Variants in DYNC1LI2 observed in about 807,000 individuals in gnomAD.
DYNC1LI2 encodes cytoplasmic dynein 1 light intermediate chain 2.
A neutral mutation model predicts 57.8 loss-of-function variants in DYNC1LI2; 19 were observed. The ratio of observed to expected loss-of-function variants is 0.33; its 90% CI spans 0.23 to 0.48. DYNC1LI2 has a LOEUF of 0.48. DYNC1LI2 is among the 20% of genes least tolerant of loss of function. DYNC1LI2 has a pLI of 0.99. For missense variants in DYNC1LI2, 470 were observed against 604.2 expected (o/e 0.78, Z 2.33); for synonymous variants, 256 against 233.4 (o/e 1.10, Z -0.88).
At chr16:66,745,219 A>G (rs1156542000) in intron 3 of DYNC1LI2, among the ~76,000 whole-genome samples, 1 of 152,030 alleles carries the variant, frequency 6.6e-6, no homozygotes, top group Admixed American at 6.6e-5. Context: ...GTTTTATAAA[A>G]GTACCTTGAG....
rs1311004831 is a variant in DYNC1LI2, at chr16:66,730,139, GTCT to G, written c.1011_1013del (p.Glu337del). ...TTCTCACGGGAGGTTTCACAATAAAGTCTTCATATGCATCTTCCGGCTTCACGG... is the reference window on the plus strand; with the variant it reads ...TTCTCACGGGAGGTTTCACAATAAAGTCATATGCATCTTCCGGCTTCACGG... On this transcript the variant is annotated inframe_deletion, in exon 8 of 13. Coordinates refer to ENST00000258198, the MANE Select transcript of DYNC1LI2 (RefSeq NM_006141.3). The G allele has an allele frequency of 2.5e-6, 4 of 1,613,824 alleles. No individual in the cohort carries two copies. In the African/African-American group the frequency reaches 5.3e-5, roughly 22 times the overall value.
chr16:66,732,806 G>A (rs1041464656), intron 6 of DYNC1LI2: 4 of 181,478 alleles, frequency 2.2e-5, no homozygotes, highest in African/African-American at 9.4e-5. Context: ...TTCCTGAGAA[G>A]TAAAGTATTG....
chr16:66,727,760 G>C lies in DYNC1LI2; in HGVS notation c.1189C>G (p.Arg397Gly), dbSNP rs778487216. 6.2e-7 allele frequency: 1 copy of C among 1,613,998 alleles called. No individual in the cohort carries two copies. Among genetic ancestry groups the C allele is most frequent in the African/African-American group, 1.3e-5 (1 of 75,046 alleles). The change falls in exon 11 of 13, where the codon CGG becomes GGG. Residue 397 changes from arginine (R) to glycine (G), a missense_variant. Physicochemically the swap from Arg to Gly is moderately radical, Grantham distance 125. Transcript: ENST00000258198. ...GPSGSPRTQG[R>G]GGPASVPSSS... is the part of the protein sequence containing the mutation. ...CTAGGCACACTGGCTGGCCCTCCCCGACCCTGGGTCCTTGGAGAGCCAGAG... is the reference window on the plus strand; with the variant it reads ...CTAGGCACACTGGCTGGCCCTCCCCCACCCTGGGTCCTTGGAGAGCCAGAG...
chr16:66,732,303 A>G, intron 7 of DYNC1LI2, 36 bp downstream of exon 7: 2 of 1,599,654 alleles, frequency 1.3e-6, no homozygotes, highest in Non-Finnish European at 1.7e-6. Flanking sequence ...TACTTTAAAA[A>G]GAAGAGTTTC....
chr16:66,751,320 G>A lies in DYNC1LI2; in HGVS notation c.134C>T (p.Thr45Ile), dbSNP rs746203567. 2 of 1,612,360 alleles carry A rather than the reference G, an allele frequency of 1.2e-6. No homozygotes were observed. Among genetic ancestry groups the A allele is most frequent in the Non-Finnish European group, 1.7e-6 (2 of 1,179,150 alleles). Reference sequence around the variant, plus strand: ...GGACGGCAGCTTGGACCTGGCGCGGGTGGACACTTCGCTCAGAATGGAGGA... The same window carrying A: ...GGACGGCAGCTTGGACCTGGCGCGGATGGACACTTCGCTCAGAATGGAGGA... ...LWSSILSEVS[T>I]RARSKLPSGK... The change falls in exon 2 of 13, where the codon ACC (threonine) becomes ATC (isoleucine). Residue 45 changes from threonine (T) to isoleucine (I), a missense_variant. Physicochemically the swap from Thr to Ile is moderately conservative, Grantham distance 89. Coordinates refer to ENST00000258198, the MANE Select transcript of DYNC1LI2 (RefSeq NM_006141.3). The surrounding 1 kb of genome is among the most constrained non-coding windows in gnomAD (Gnocchi z 5.2).
intron 2 of DYNC1LI2, among the ~76,000 whole-genome samples, chr16:66,750,174 C>T (rs1597000923): frequency 2.0e-5 from 3 of 152,176 alleles, no homozygotes; most frequent in South Asian, 2.1e-4. Context: ...CTGCAGGCAG[C>T]GTTCTTTCTA....
At position 66,725,831 on chromosome 16, in the gene DYNC1LI2, A is replaced by G. The variant is rs2017527447; in HGVS notation, c.1375T>C (p.Ser459Pro). The G allele has an allele frequency of 6.2e-7, 1 of 1,612,972 alleles. No individual in the cohort carries two copies. The highest frequency in any genetic ancestry group is 1.3e-5 in the African/African-American group (1 of 74,938). The change falls in exon 12 of 13, where the codon TCA (serine) becomes CCA (proline). Residue 459 changes from serine (S) to proline (P), a missense_variant. Transcript: ENST00000258198. ...AGGVQSTAKK[S>P]GQKTVLSNVQ... ...AGTCTCCAGGGCCCTTCTGTACCTG[A>G]CTTCTTGGCTGTGCTCTGCACCCCA...
chr16:66,735,488 A>G (rs1411109190), intron 5 of DYNC1LI2, among the ~76,000 whole-genome samples: 19 of 150,708 alleles, frequency 1.3e-4, no homozygotes, highest in Non-Finnish European at 1.0e-4. Flanking sequence ...CCTTAAGGAA[A>G]CTGCTGTGAG....
At chr16:66,724,641 C>T (rs1567446713) in intron 12 of DYNC1LI2, 1 of 152,042 alleles carries the variant, frequency 6.6e-6, no homozygotes. Context: ...CAGAGATCTC[C>T]AAGACATAGA....
At position 66,751,403 on chromosome 16, in the gene DYNC1LI2, C is replaced by T; in HGVS notation, c.108-57G>A. On this transcript the variant is annotated intron_variant, in intron 1 of 12. Coordinates refer to ENST00000258198, the MANE Select transcript of DYNC1LI2 (RefSeq NM_006141.3). This position sits in a 1 kb window ranked among gnomAD's most constrained non-coding sequence, Gnocchi z 5.2. ...CGGGCCGGGCTGGGATGGCCCGGCT[C>T]GCGTCGGCCCCTCAGTGTGTCCGAC... The T allele has an allele frequency of 6.3e-7, 1 of 1,595,522 alleles. No homozygotes were observed. The highest frequency in any genetic ancestry group is 8.5e-7 in the Non-Finnish European group (1 of 1,172,668).
chr16:66,748,556 G>A (rs2017981795), intron 3 of DYNC1LI2, among the ~76,000 whole-genome samples: 2 of 138,554 alleles, frequency 1.4e-5, no homozygotes, highest in African/African-American at 2.5e-5. Context: ...CACAGAAAAT[G>A]GGCATTTCTT....
intron 3 of DYNC1LI2, among the ~76,000 whole-genome samples, chr16:66,743,161 C>CAAAACA (rs570073324): frequency 5.2e-4 from 77 of 148,072 alleles, no homozygotes; most frequent in Middle Eastern, 3.5e-3. Context: ...GAGTCCATCT[C>CAAAACA]AAAACAAAAA....
intron 3 of DYNC1LI2, among the ~76,000 whole-genome samples, chr16:66,747,601 G>A (rs1434988376): frequency 6.8e-6 from 1 of 147,556 alleles, no homozygotes; most frequent in African/African-American, 2.5e-5. Context: ...AAGGAGTCTC[G>A]TTTTATCGCC....
intron 4 of DYNC1LI2, among the ~76,000 whole-genome samples, chr16:66,741,617 G>C (rs141653891): frequency 5.3e-5 from 8 of 152,050 alleles, no homozygotes. Flanking sequence ...TTCACCAGAG[G>C]GGGTGATGTC....
intron 6 of DYNC1LI2, among the ~76,000 whole-genome samples, chr16:66,733,739 G>A (rs747932386): frequency 2.0e-5 from 3 of 151,878 alleles, no homozygotes; most frequent in Non-Finnish European, 2.9e-5. Context: ...AAGTGGTGGC[G>A]CACACCTGTT....
intron 9 of DYNC1LI2, 146 bp downstream of exon 9, chr16:66,728,894 G>C (rs1446360226): frequency 1.3e-6 from 1 of 792,522 alleles, no homozygotes; most frequent in Non-Finnish European, 2.2e-6. Flanking sequence ...CTAGAAATAA[G>C]GAGGGAATGA....
rs1399247547 is a variant in DYNC1LI2, at chr16:66,722,780, G to C, written c.*942C>G. On this transcript the variant is annotated 3_prime_UTR_variant, in exon 13 of 13. Transcript: ENST00000258198. ...AACTTTCCGTGGCACATTGCATTAT[G>C]GTAAAACCAGAGGTTCATCACCTAT... is the stretch of plus-strand genomic sequence containing the variant. 1 of 152,932 alleles carries C rather than the reference G, an allele frequency of 6.5e-6. No homozygotes were observed. Among genetic ancestry groups the C allele is most frequent in the African/African-American group, 2.4e-5 (1 of 41,418 alleles). The allele number at this position is 152,932 out of a possible 1,614,324, so 9.5% of individuals were successfully genotyped here.
chr16:66,727,992 C>T (rs2017566480), intron 10 of DYNC1LI2, 187 bp from the exon 11 acceptor site: 4 of 853,758 alleles, frequency 4.7e-6, no homozygotes, highest in East Asian at 2.7e-5. Context: ...GATAACAAAG[C>T]CAGCTCACTC....
chr16:66,732,561 G>C (rs1876695203), intron 6 of DYNC1LI2, 87 bp from the exon 7 acceptor site: 12 of 1,438,586 alleles, frequency 8.3e-6, no homozygotes, highest in Non-Finnish European at 1.1e-5. Flanking sequence ...CTCATAGGTT[G>C]ATCAGTTTTT....
Sources: allele counts gnomAD v4.1 joint callset (sites outside exome capture counted in the v4.1 genomes callset), GRCh38; gene constraint gnomAD v4.1.1; non-coding constraint Gnocchi (gnomAD v3.1); transcripts MANE v1.5; gene names NCBI Gene and HGNC (gene_info 2026-07-23, HGNC 2026-07-21).